The following TMED3 variants were observed in gnomAD, a reference collection of about 807,000 sequenced individuals.
TMED3 encodes transmembrane emp24 domain-containing protein 3.
Under a neutral mutation model 15.0 loss-of-function variants are expected in TMED3, and 9 were observed. That is an observed-to-expected ratio of 0.60 (90% CI 0.36 to 1.04). The LOEUF is 1.04. Ranked by LOEUF, TMED3 falls within the 50% of genes least tolerant of loss-of-function variation. The pLI, the probability that TMED3 is intolerant of heterozygous loss-of-function variation, is 0.01. For missense variants in TMED3, 267 were observed against 278.9 expected, an observed-to-expected ratio of 0.96 and a Z score of 0.30; for synonymous variants, 117 against 121.4, an observed-to-expected ratio of 0.96 and a Z score of 0.24.
downstream of TMED3, among the ~76,000 whole-genome samples, chr15:79,326,640 G>C (rs1002915469): frequency 2.6e-5 from 4 of 152,226 alleles, no homozygotes; most frequent in Non-Finnish European, 4.4e-5. Flanking sequence ...ATCACTTGTT[G>C]CAGATTCTAG....
chr15:79,372,699 G>C (rs949324099), intron 2 of TMED3, among the ~76,000 whole-genome samples: 2 of 152,076 alleles, frequency 1.3e-5, no homozygotes, highest in Non-Finnish European at 2.9e-5. Flanking sequence ...CCTCCCACTG[G>C]GTTCCTCCCA....
At chr15:79,383,743 G>A (rs867715641) in intron 2 of TMED3, 4 of 152,306 alleles carry the variant, frequency 2.6e-5, no homozygotes, top group African/African-American at 7.2e-5. Flanking sequence ...TAAAGCTGAT[G>A]TTGTGTTGTC....
chr15:79,311,172 C>G lies in TMED3; in HGVS notation c.-78C>G, dbSNP rs766728583. ...CTATCCCCTTACATCCTCCTAGGAC[C>G]CGGTCGGTAGTCGTCGCCCCAGCCC... is the stretch of plus-strand genomic sequence containing the variant. On this transcript the variant is annotated 5_prime_UTR_variant, in exon 1 of 3. Coordinates refer to ENST00000299705, the MANE Select transcript of TMED3 (RefSeq NM_007364.4). 3.4e-6 allele frequency: 5 copies of G among 1,475,406 alleles called. No individual in the cohort carries two copies. The East Asian group carries it at 1.2e-4, about 37-fold the overall frequency. The allele number at this position is 1,475,406 out of a possible 1,614,324, so 91.4% of individuals were successfully genotyped here.
intron 2 of TMED3, among the ~76,000 whole-genome samples, chr15:79,315,325 G>A (rs1002970283): frequency 2.0e-5 from 3 of 152,216 alleles, no homozygotes; most frequent in African/African-American, 7.2e-5. Context: ...AATAGTCACA[G>A]GTGGCTAGTG....
intron 2 of TMED3, among the ~76,000 whole-genome samples, chr15:79,396,104 T>G (rs1893760665): frequency 6.6e-6 from 1 of 152,232 alleles, no homozygotes; most frequent in Non-Finnish European, 1.5e-5. Flanking sequence ...TCATTTTTCT[T>G]TGCCTCTGAA....
chr15:79,311,429 C>A lies in TMED3; in HGVS notation c.168+12C>A, dbSNP rs1596046223. Reference sequence around the variant, plus strand: ...CCCTGGATTACCAGGTGAGGCCGGGCGCCCGGCAGCGCTCCCTTCTCCCTC... The same window carrying A: ...CCCTGGATTACCAGGTGAGGCCGGGAGCCCGGCAGCGCTCCCTTCTCCCTC... On this transcript the variant is annotated intron_variant, in intron 1 of 2. Coordinates refer to ENST00000299705, the MANE Select transcript of TMED3 (RefSeq NM_007364.4). 1 of 1,596,076 alleles carries A rather than the reference C, an allele frequency of 6.3e-7. No homozygotes were observed. The highest frequency in any genetic ancestry group is 1.1e-5 in the South Asian group (1 of 88,170).
intron 2 of TMED3, among the ~76,000 whole-genome samples, chr15:79,356,245 A>G (rs1255226320): frequency 6.6e-6 from 1 of 152,148 alleles, no homozygotes; most frequent in Non-Finnish European, 1.5e-5. Context: ...TGAAGAGTTT[A>G]AAGTGTTCCC....
At chr15:79,334,748 G>T (rs2058821433) in intron 2 of TMED3, among the ~76,000 whole-genome samples, 1 of 152,120 alleles carries the variant, frequency 6.6e-6, no homozygotes, top group Non-Finnish European at 1.5e-5. Context: ...ACTCCAGGAA[G>T]TCAAACAGTG....
intron 2 of TMED3, among the ~76,000 whole-genome samples, chr15:79,348,076 C>T (rs2058877739): frequency 1.3e-5 from 2 of 152,212 alleles, no homozygotes; most frequent in Middle Eastern, 3.4e-3. Context: ...AAAAATGAGA[C>T]CTAACAATTA....
intron 2 of TMED3, among the ~76,000 whole-genome samples, chr15:79,370,256 A>ATTTTTTTTTTTTTT (rs398028085): frequency 4.8e-5 from 5 of 104,950 alleles, no homozygotes; most frequent in East Asian, 2.8e-4. Context: ...TGCCCAGCTA[A>ATTTTTTTTTTTTTT]TTTTTTTTTT....
chr15:79,370,758 G>A (rs1466692175), intron 2 of TMED3, among the ~76,000 whole-genome samples: 1 of 152,174 alleles, frequency 6.6e-6, no homozygotes, highest in Non-Finnish European at 1.5e-5. Flanking sequence ...TTTTGAGTCT[G>A]TGAGCTCTTA....
intron 2 of TMED3, among the ~76,000 whole-genome samples, chr15:79,319,365 T>G (rs1418682299): frequency 1.3e-5 from 2 of 152,182 alleles, no homozygotes; most frequent in Non-Finnish European, 2.9e-5. Flanking sequence ...CCTTACATAG[T>G]CTAGTTCAGC....
chr15:79,410,742 ATAAC>A (rs1490301890), intron 2 of TMED3, among the ~76,000 whole-genome samples: 1 of 152,092 alleles, frequency 6.6e-6, no homozygotes, highest in Non-Finnish European at 1.5e-5. Context: ...ATGTATATGA[ATAAC>A]AGCCCAGGAT....
At chr15:79,376,957 G>C (rs1893435937) in intron 2 of TMED3, among the ~76,000 whole-genome samples, 1 of 152,060 alleles carries the variant, frequency 6.6e-6, no homozygotes, top group African/African-American at 2.4e-5. Context: ...TGGGAGGTGG[G>C]GTCAAGACTG....
intron 2 of TMED3, among the ~76,000 whole-genome samples, chr15:79,403,838 A>G (rs141204763): frequency 1.3e-5 from 2 of 152,300 alleles, no homozygotes; most frequent in African/African-American, 4.8e-5. Flanking sequence ...GGTGAGCGAG[A>G]CCACTGCTAC....
intron 2 of TMED3, among the ~76,000 whole-genome samples, chr15:79,403,675 A>T (rs1893864392): frequency 6.6e-6 from 1 of 152,198 alleles, no homozygotes; most frequent in African/African-American, 2.4e-5. Context: ...ACTCAAAATG[A>T]CCAGGTGGTA....
intron 2 of TMED3, among the ~76,000 whole-genome samples, chr15:79,387,402 G>A (rs2075428675): frequency 6.6e-6 from 1 of 151,890 alleles, no homozygotes; most frequent in Admixed American, 6.6e-5. Context: ...CCATTCATTA[G>A]CCTATTTGTC....
intron 2 of TMED3, among the ~76,000 whole-genome samples, chr15:79,403,706 G>A (rs938344533): frequency 3.9e-5 from 6 of 152,190 alleles, no homozygotes; most frequent in African/African-American, 1.4e-4. Flanking sequence ...CAGTTCAGTG[G>A]AAACTTACTG....
At position 79,351,720 on chromosome 15, in the gene TMED3, TG is replaced by T. The variant is rs534150390; in HGVS notation, c.417+37719del. ...ACCATTTGATCCAGTAATCCTACTC[TG>T]GGGCATCTACCCATAGGAAAAGAAG... On this transcript the variant is annotated intron_variant, in intron 2 of 2. Transcript: ENST00000424155. 1.9e-3 allele frequency among the ~76,000 whole-genome samples: 291 copies of T among 152,264 alleles called. 2 individuals carry two copies. Among genetic ancestry groups the T allele is most frequent in the African/African-American group, 6.8e-3 (284 of 41,552 alleles).
Sources: gnomAD v4.1 joint callset for allele counts (sites outside exome capture counted in the v4.1 genomes callset) on GRCh38, gnomAD v4.1.1 for gene constraint, MANE v1.5 for transcripts, NCBI Gene and HGNC (gene_info 2026-07-23, HGNC 2026-07-21) for gene names.